ZNF469: variants seen among roughly 807,000 people sequenced by gnomAD.
ZNF469 encodes zinc finger protein 469.
Under a neutral mutation model 1.0 loss-of-function variants are expected in ZNF469, and 1 was observed. The observed-to-expected ratio is 1.00, with a 90% CI of 0.35 to 4.73. The LOEUF is 4.73. Among genes scored for constraint, ZNF469 ranks in the 30% most tolerant of loss-of-function variants. The pLI, the probability that ZNF469 is intolerant of heterozygous loss-of-function variation, is 0.16. For missense variants in ZNF469, 6,100 were observed against 5,356.3 expected, an observed-to-expected ratio of 1.14 and a Z score of -4.33; for synonymous variants, 2,703 against 2,363.4, an observed-to-expected ratio of 1.14 and a Z score of -4.17.
Position 88,435,381 on chromosome 16 carries a change from G to C in ZNF469, c.7911G>C (p.Lys2637Asn). 1 of 1,550,414 alleles carries C rather than the reference G, an allele frequency of 6.4e-7. No homozygotes were observed. Among genetic ancestry groups the C allele is most frequent in the Non-Finnish European group, 8.7e-7 (1 of 1,146,986 alleles). Residue 2637 changes from lysine (K) to asparagine (N), a missense_variant, in exon 3 of 3, where the codon AAG becomes AAC. Transcript: ENST00000565624. The stretch of plus-strand genomic sequence containing the variant: ...GGAAGTCAAATAAGAAAAGGGGAAA[G>C]CTGAGAGGGAGAAGGCTCCGGGAGG... ...SEGKSNKKRG[K>N]LRGRRLREES...
upstream of ZNF469, among the ~76,000 whole-genome samples, chr16:88,379,248 C>A (rs562937951): frequency 7.2e-5 from 11 of 152,202 alleles, no homozygotes; most frequent in African/African-American, 2.6e-4. Flanking sequence ...TTGGCCAGGG[C>A]ATGAGACCTG....
the ZNF469 span, among the ~76,000 whole-genome samples, chr16:88,205,640 AACAGCAGC>A: frequency 6.6e-5 from 10 of 152,304 alleles, no homozygotes; most frequent in South Asian, 2.1e-3. This position sits in a 1 kb window ranked among gnomAD's most constrained non-coding sequence, Gnocchi z 4.2. Context: ...GTCCGGCGGT[AACAGCAGC>A]ACAGTACAAG....
the ZNF469 span, among the ~76,000 whole-genome samples, chr16:88,293,613 G>C: frequency 6.6e-6 from 1 of 152,134 alleles, no homozygotes; most frequent in African/African-American, 2.4e-5. Context: ...CCACCTGAAG[G>C]GGTCTGTACT....
At chr16:88,112,151 C>G in the ZNF469 span, among the ~76,000 whole-genome samples, 1 of 151,974 alleles carries the variant, frequency 6.6e-6, no homozygotes, top group Non-Finnish European at 1.5e-5. Flanking sequence ...TAAACACAGG[C>G]GTGCCGGCCA....
the ZNF469 span, among the ~76,000 whole-genome samples, chr16:88,301,986 A>G: frequency 6.6e-6 from 1 of 152,152 alleles, no homozygotes; most frequent in Non-Finnish European, 1.5e-5. Flanking sequence ...GCTCACTATA[A>G]AGACAGGGAA....
intron 1 of ZNF469, among the ~76,000 whole-genome samples, chr16:88,409,600 C>T (rs989733414): frequency 2.6e-5 from 4 of 152,202 alleles, no homozygotes; most frequent in Non-Finnish European, 5.9e-5. Context: ...GGAGGACCTT[C>T]TCCTCATAGG....
At chr16:88,219,892 C>T in the ZNF469 span, among the ~76,000 whole-genome samples, 4 of 152,164 alleles carry the variant, frequency 2.6e-5, no homozygotes, top group Admixed American at 2.0e-4. Flanking sequence ...AGGTTCTCAG[C>T]CTCCTGCCTG....
the ZNF469 span, among the ~76,000 whole-genome samples, chr16:88,341,864 C>T: frequency 1.3e-5 from 2 of 152,014 alleles, no homozygotes; most frequent in African/African-American, 2.4e-5. Flanking sequence ...CATGATGGGT[C>T]CAGGGCCAGG....
the ZNF469 span, among the ~76,000 whole-genome samples, chr16:88,314,088 A>T: frequency 7.1e-6 from 1 of 141,430 alleles, no homozygotes; most frequent in Admixed American, 7.0e-5. Context: ...CTCTGTGATT[A>T]TGATGATGCT....
chr16:88,395,661 G>A (rs34898425), intron 1 of ZNF469, among the ~76,000 whole-genome samples: 44,378 of 149,502 alleles, frequency 0.3, 6,916 homozygotes, highest in Non-Finnish European at 0.35. Context: ...ATTCCCACCG[G>A]AGGCTCAGAG....
Position 88,424,278 on chromosome 16 carries a change from A to G in ZNF469, c.-191-529A>G, listed in dbSNP as rs1905606820. On this transcript the variant is annotated intron_variant, in intron 1 of 2. Transcript: ENST00000565624. This position sits in a 1 kb window ranked among gnomAD's most constrained non-coding sequence, Gnocchi z 4.3. Reference sequence around the variant, plus strand: ...ACAGGATATGTTGTTACATGAAAAAAAGGTCAGGTGCAGAACAGTGAGCGT... The same window carrying G: ...ACAGGATATGTTGTTACATGAAAAAGAGGTCAGGTGCAGAACAGTGAGCGT... Among the ~76,000 whole-genome samples, 1 of 152,212 alleles carries G rather than the reference A, an allele frequency of 6.6e-6. No homozygotes were observed. Among genetic ancestry groups the G allele is most frequent in the Admixed American group, 6.5e-5 (1 of 15,290 alleles).
chr16:88,348,392 C>G, the ZNF469 span, among the ~76,000 whole-genome samples: 7,082 of 152,216 alleles, frequency 0.047, 548 homozygotes, highest in African/African-American at 0.16. Context: ...CACTCCTGTG[C>G]GAACCCAGCT....
the ZNF469 span, among the ~76,000 whole-genome samples, chr16:88,281,781 C>T: frequency 1.8e-4 from 28 of 151,446 alleles, no homozygotes; most frequent in African/African-American, 4.6e-4. Flanking sequence ...TGTGCCACAC[C>T]GATGCTTGGT....
At chr16:88,155,907 G>A in the ZNF469 span, among the ~76,000 whole-genome samples, 1 of 152,174 alleles carries the variant, frequency 6.6e-6, no homozygotes, top group Non-Finnish European at 1.5e-5. Flanking sequence ...GTTCTCATCA[G>A]CACTCACTGC....
chr16:88,363,219 G>A, the ZNF469 span, among the ~76,000 whole-genome samples: 1 of 152,160 alleles, frequency 6.6e-6, no homozygotes, highest in Non-Finnish European at 1.5e-5. Context: ...GATTGTCTTT[G>A]CACTTGAGAA....
At chr16:88,423,317 G>T (rs561435580) in intron 1 of ZNF469, among the ~76,000 whole-genome samples, 1 of 143,618 alleles carries the variant, frequency 7.0e-6, no homozygotes, top group South Asian at 2.2e-4. Context: ...ATGGATACAT[G>T]AACAGATGGA....
chr16:88,431,438 A>G lies in ZNF469; in HGVS notation c.3968A>G (p.Gln1323Arg). 1 of 1,550,350 alleles carries G rather than the reference A, an allele frequency of 6.5e-7. No homozygotes were observed. Among genetic ancestry groups the G allele is most frequent in the East Asian group, 2.4e-5 (1 of 40,910 alleles). ...SHNSKDPPAR[Q>R]PGEFLAPVAN... is the part of the protein sequence containing the mutation. Reference sequence around the variant, plus strand: ...AACAGCAAGGACCCCCCTGCCCGCCAGCCTGGAGAATTTCTGGCACCCGTG... The same window carrying G: ...AACAGCAAGGACCCCCCTGCCCGCCGGCCTGGAGAATTTCTGGCACCCGTG... The change falls in exon 3 of 3, where the codon CAG (glutamine) becomes CGG (arginine). Residue 1323 changes from glutamine to arginine, a missense_variant. Physicochemically the swap from Gln to Arg is conservative, Grantham distance 43. Coordinates refer to ENST00000565624, the MANE Select transcript of ZNF469 (RefSeq NM_001367624.2).
In ZNF469 at chr16:88,428,102, C is replaced by T. The variant is rs922790322; in HGVS notation, c.632C>T (p.Pro211Leu). The part of the protein sequence containing the change: ...ATPRPPAPGP[P>L]QSRGTSPLQP... ...CCCAGGCCCCCAGCCCCGGGGCCCC[C>T]CCAGAGCAGGGGCACCAGCCCCCTC... Residue 211 changes from proline to leucine, a missense_variant, in exon 3 of 3, where the codon CCC (proline) becomes CTC (leucine). Coordinates refer to ENST00000565624, the MANE Select transcript of ZNF469 (RefSeq NM_001367624.2). 1.3e-6 allele frequency: 2 copies of T among 1,549,896 alleles called. No individual in the cohort carries two copies.
chr16:88,243,610 G>A, the ZNF469 span, among the ~76,000 whole-genome samples: 1 of 152,064 alleles, frequency 6.6e-6, no homozygotes, highest in African/African-American at 2.4e-5. Context: ...TACGTTAGCA[G>A]GTGGTCCAGA....
Sources: allele counts gnomAD v4.1 joint callset (sites outside exome capture counted in the v4.1 genomes callset), GRCh38; gene constraint gnomAD v4.1.1; non-coding constraint Gnocchi (gnomAD v3.1); transcripts MANE v1.5; gene names NCBI Gene and HGNC (gene_info 2026-07-23, HGNC 2026-07-21).